HERC1: variants seen among roughly 807,000 people sequenced by gnomAD.
The protein encoded by HERC1 is probable E3 ubiquitin-protein ligase HERC1.
Under a neutral mutation model 554.3 loss-of-function variants are expected in HERC1, and 160 were observed. That is an observed-to-expected ratio of 0.29 (90% CI 0.25 to 0.33). The LOEUF (loss-of-function observed/expected upper bound fraction) is 0.33. Among genes scored for constraint, HERC1 ranks in the 10% least tolerant of loss-of-function variants. The pLI is 1.00. For synonymous variants in HERC1, 2,175 were observed against 2,131.7 expected, an observed-to-expected ratio of 1.02 and a Z score of -0.56; for missense variants, 4,919 against 5,918.5, an observed-to-expected ratio of 0.83 and a Z score of 5.54.
intron 2 of HERC1, among the ~76,000 whole-genome samples, chr15:63,768,197 G>A (rs1458967809): frequency 6.6e-6 from 1 of 152,204 alleles, no homozygotes; most frequent in Non-Finnish European, 1.5e-5. Context: ...TTAACCTGCT[G>A]CTGCCAAGTC....
At chr15:63,644,157 C>A (rs1294835724) in intron 57 of HERC1, among the ~76,000 whole-genome samples, 1 of 152,098 alleles carries the variant, frequency 6.6e-6, no homozygotes, top group African/African-American at 2.4e-5. Context: ...CACCCTTTCT[C>A]CCCATCCTTA....
At chr15:63,826,812 AAAATATAT>A (rs1451205620) in intron 1 of HERC1, among the ~76,000 whole-genome samples, 2 of 37,382 alleles carry the variant, frequency 5.4e-5, no homozygotes, top group African/African-American at 2.0e-4. Context: ...AAAAAAAAAA[AAAATATAT>A]ATATATATAT....
chr15:63,783,788 C>A (rs2076354756), intron 1 of HERC1, among the ~76,000 whole-genome samples: 1 of 152,172 alleles, frequency 6.6e-6, no homozygotes, highest in Non-Finnish European at 1.5e-5. Flanking sequence ...CATGATCGGG[C>A]CGGGTGCAGT....
chr15:63,786,917 ATTAT>A (rs1267219982), intron 1 of HERC1, among the ~76,000 whole-genome samples: 1 of 127,022 alleles, frequency 7.9e-6, no homozygotes, highest in African/African-American at 3.1e-5. Flanking sequence ...TCAATAAATT[ATTAT>A]TTTTTTTTTT....
intron 41 of HERC1, 87 bp from the exon 42 acceptor site, chr15:63,666,237 T>C (rs1189234649): frequency 7.3e-7 from 1 of 1,376,660 alleles, no homozygotes; most frequent in African/African-American, 1.5e-5. Flanking sequence ...GATGCTCTTG[T>C]AACAAAATAT....
chr15:63,615,953 A>G (rs1169982663), intron 75 of HERC1, 33 bp from the exon 76 acceptor site: 2 of 1,522,594 alleles, frequency 1.3e-6, no homozygotes, highest in Admixed American at 2.4e-5. Context: ...TTTTTATTAC[A>G]TGGTAGAAAT....
intron 12 of HERC1, among the ~76,000 whole-genome samples, chr15:63,737,749 A>C (rs568778307): frequency 6.6e-6 from 1 of 151,802 alleles, no homozygotes; most frequent in African/African-American, 2.4e-5. Flanking sequence ...AAATGTGAGA[A>C]CACAAAGGAC....
intron 56 of HERC1, 71 bp from the exon 57 acceptor site, chr15:63,645,168 A>G (rs1191074983): frequency 1.0e-5 from 11 of 1,073,796 alleles, no homozygotes; most frequent in Admixed American, 1.7e-5. Flanking sequence ...CCGAATTGCA[A>G]TCAATTAAGA....
Position 63,734,699 on chromosome 15 carries a change from A to C in HERC1, c.2646+25T>G, listed in dbSNP as rs778916553. Reference sequence around the variant, plus strand: ...CAAATTTTTAGGATACTACTGGTTTACTTACACAGCAAGCAAAGGCCTACC... The same window carrying C: ...CAAATTTTTAGGATACTACTGGTTTCCTTACACAGCAAGCAAAGGCCTACC... On this transcript the variant is annotated intron_variant, in intron 13 of 77. Transcript: ENST00000443617. The surrounding 1 kb of genome is among the most constrained non-coding windows in gnomAD (Gnocchi z 4.6). 1 of 1,515,310 alleles carries C rather than the reference A, an allele frequency of 6.6e-7. No individual in the cohort carries two copies. The highest frequency in any genetic ancestry group is 8.8e-7 in the Non-Finnish European group (1 of 1,139,804). The allele number at this position is 1,515,310 out of a possible 1,614,324, so 93.9% of individuals were successfully genotyped here.
intron 1 of HERC1, among the ~76,000 whole-genome samples, chr15:63,776,410 T>C (rs1028377079): frequency 5.3e-5 from 8 of 152,326 alleles, no homozygotes; most frequent in Admixed American, 2.0e-4. Flanking sequence ...GGACTCATAA[T>C]TGTAGAATGG....
chr15:63,621,039 A>G (rs897855263), intron 74 of HERC1, among the ~76,000 whole-genome samples: 5 of 152,116 alleles, frequency 3.3e-5, no homozygotes, highest in Admixed American at 1.3e-4. Flanking sequence ...TGTCATTATG[A>G]TATTAGCTGG....
intron 34 of HERC1, 96 bp downstream of exon 34, chr15:63,686,263 G>A (rs546789776): frequency 4.6e-5 from 40 of 867,986 alleles, no homozygotes; most frequent in East Asian, 3.5e-4. Context: ...TACATATCAC[G>A]ATTTTTTTTC....
intron 19 of HERC1, among the ~76,000 whole-genome samples, chr15:63,720,099 T>C (rs2073745448): frequency 6.3e-5 from 3 of 47,514 alleles, no homozygotes; most frequent in Admixed American, 2.0e-4. Flanking sequence ...GTGCTTTTTC[T>C]TCCCTTTTTT....
At chr15:63,663,283 A>C in intron 43 of HERC1, 79 bp from the exon 44 acceptor site, 1 of 1,179,352 alleles carries the variant, frequency 8.5e-7, no homozygotes, top group East Asian at 2.3e-5. Context: ...TAACTGCCAT[A>C]CATGTAGGTG....
In HERC1 at chr15:63,643,424, T is replaced by A. The variant is rs1266595024; in HGVS notation, c.11311A>T (p.Met3771Leu). 5 of 1,613,272 alleles carry A rather than the reference T, an allele frequency of 3.1e-6. No homozygotes were observed. The highest frequency in any genetic ancestry group is 4.2e-6 in the Non-Finnish European group (5 of 1,179,644). Reference protein sequence around the residue: ...ALVSGGLGGLMNIWSLRDGSV... With the variant: ...ALVSGGLGGLLNIWSLRDGSV... ...CTTACCCTTAAAGACCAAATGTTCA[T>A]GAGCCCACCTAGTCCACCAGACACC... The change falls in exon 58 of 78, where the codon ATG (methionine) becomes TTG (leucine). Residue 3771 changes from methionine (M) to leucine (L), a missense_variant. Around this residue, in one of 11 missense-constraint regions of HERC1, gnomAD observed 1,963 missense variants for 2,228.6 expected, o/e 0.88. Coordinates refer to ENST00000443617, the MANE Select transcript of HERC1 (RefSeq NM_003922.4).
chr15:63,817,202 T>A (rs1567158323), intron 1 of HERC1, among the ~76,000 whole-genome samples: 1 of 152,148 alleles, frequency 6.6e-6, no homozygotes, highest in Non-Finnish European at 1.5e-5. Flanking sequence ...CTTATTTGGA[T>A]GTCACTTCAA....
At chr15:63,703,241 C>T (rs1218777259) in intron 25 of HERC1, among the ~76,000 whole-genome samples, 1 of 152,096 alleles carries the variant, frequency 6.6e-6, no homozygotes, top group South Asian at 2.1e-4. Context: ...AGGGCTTAGA[C>T]CAATTGTGAA....
chr15:63,686,259 T>C (rs1173395287), intron 34 of HERC1, 100 bp downstream of exon 34: 1 of 822,082 alleles, frequency 1.2e-6, no homozygotes, highest in South Asian at 2.0e-5. Context: ...CATTTACATA[T>C]CACGATTTTT....
At chr15:63,778,301 G>C (rs1444884878) in intron 1 of HERC1, among the ~76,000 whole-genome samples, 1 of 152,136 alleles carries the variant, frequency 6.6e-6, no homozygotes, top group Admixed American at 6.5e-5. Context: ...GTGACTCCCA[G>C]AAAGATTAAA....
Sources: gnomAD v4.1 joint callset for allele counts (sites outside exome capture counted in the v4.1 genomes callset) on GRCh38, gnomAD v4.1.1 for gene constraint, gnomAD v4.1.1 regional missense constraint, Gnocchi (gnomAD v3.1) non-coding constraint, MANE v1.5 for transcripts, NCBI Gene and HGNC (gene_info 2026-07-23, HGNC 2026-07-21) for gene names.